Variants in OVCA2 observed in about 807,000 individuals in gnomAD.
The protein encoded by OVCA2 is esterase OVCA2.
Under a neutral mutation model 10.1 loss-of-function variants are expected in OVCA2, and 14 were observed. The observed-to-expected ratio is 1.39, with a 90% CI of 0.92 to 2.17. OVCA2 has a LOEUF of 2.17. Among genes scored for constraint, OVCA2 ranks in the 30% most tolerant of loss-of-function variants. OVCA2 has a pLI of 0.00. For missense variants in OVCA2, 376 were observed against 300.5 expected, an observed-to-expected ratio of 1.25 and a Z score of -1.86; for synonymous variants, 201 against 134.1, an observed-to-expected ratio of 1.50 and a Z score of -3.45.
At chr17:2,042,258 C>T (rs2067550616) in intron 1 of OVCA2, 27 bp downstream of exon 1, 3 of 1,405,466 alleles carry the variant, frequency 2.1e-6, no homozygotes, top group Non-Finnish European at 9.2e-7. Flanking sequence ...TCCGGAAACG[C>T]ACTCAGTTTC....
chr17:2,042,407 G>A, intron 1 of OVCA2, 176 bp downstream of exon 1: 4 of 1,256,644 alleles, frequency 3.2e-6, no homozygotes, highest in Non-Finnish European at 4.2e-6. Context: ...GTCCTCCCAG[G>A]CTTCCGCCTT....
At chr17:2,042,266 T>A in intron 1 of OVCA2, 35 bp downstream of exon 1, 2 of 1,403,858 alleles carry the variant, frequency 1.4e-6, no homozygotes. Context: ...CGCACTCAGT[T>A]TCCTCCATCT....
In OVCA2 at chr17:2,043,239, C is replaced by T. The variant is rs748137510; in HGVS notation, c.*135C>T. 8.2e-6 allele frequency: 9 copies of T among 1,102,246 alleles called. No homozygotes were observed. Among genetic ancestry groups the T allele is most frequent in the African/African-American group, 7.9e-5 (5 of 63,618 alleles). The allele number at this position is 1,102,246 out of a possible 1,614,324, so 68.3% of individuals were successfully genotyped here. ...ACCAGTTAAGAGACAACTATCAATT[C>T]TTGAGACCCAAATTATAAGGGCCCT... On this transcript the variant is annotated 3_prime_UTR_variant, in exon 2 of 2. Coordinates refer to ENST00000572195, the MANE Select transcript of OVCA2 (RefSeq NM_080822.3).
Position 2,042,170 on chromosome 17 carries a change from C to T in OVCA2, c.123C>T (p.Cys41=), listed in dbSNP as rs1279859097. ...KALRGRAELV[C]LSGPHPVPDP... is the part of the protein sequence containing the mutation. The stretch of plus-strand genomic sequence containing the variant: ...TGCGGGGTCGCGCCGAGCTCGTGTG[C>T]CTCAGCGGCCCGCACCCGGTCCCCG... The change falls in exon 1 of 2, where the codon TGC becomes TGT. Residue 41 remains cysteine (C), a synonymous_variant. Transcript: ENST00000572195. 2.7e-6 allele frequency: 4 copies of T among 1,462,618 alleles called. No individual in the cohort carries two copies. The South Asian group carries it at 5.4e-5, about 20-fold the overall frequency. 90.6% of individuals were successfully genotyped at this position (1,462,618 alleles called of 1,614,324 possible). A position where few individuals can be genotyped will look rare whatever the true frequency, so the allele number is the denominator to read the frequency against.
In OVCA2 at chr17:2,043,296, C is replaced by T; in HGVS notation, c.*192C>T. On this transcript the variant is annotated 3_prime_UTR_variant, in exon 2 of 2. Transcript: ENST00000572195. ...TACTGAAGAAAAGGGGAGCACAAGG[C>T]CTTAATGGACATTGACTTGTGAAAA... 2 of 652,308 alleles carry T rather than the reference C, an allele frequency of 3.1e-6. No homozygotes were observed. Among genetic ancestry groups the T allele is most frequent in the Admixed American group, 6.3e-5 (2 of 31,838 alleles). The allele number at this position is 652,308 out of a possible 1,614,324, so 40.4% of individuals were successfully genotyped here.
chr17:2,042,837 C>T lies in OVCA2; in HGVS notation c.417C>T (p.Phe139=), dbSNP rs1462386318. 6.2e-7 allele frequency: 1 copy of T among 1,614,146 alleles called. No individual in the cohort carries two copies. The highest frequency in any genetic ancestry group is 1.1e-5 in the South Asian group (1 of 91,090). The change falls in exon 2 of 2, where the codon TTC becomes TTT. Residue 139 remains phenylalanine (F), a synonymous_variant. Transcript: ENST00000572195. ...TGGGCCAGGCAGGCGATCCCCGCTTCCCCTTGCCACGGTTTATCCTCTTGG... is the reference window on the plus strand; with the variant it reads ...TGGGCCAGGCAGGCGATCCCCGCTTTCCCTTGCCACGGTTTATCCTCTTGG... ...CALGQAGDPR[F]PLPRFILLVS...
At position 2,042,655 on chromosome 17, in the gene OVCA2, G is replaced by A. The variant is rs1350229810; in HGVS notation, c.235G>A (p.Glu79Lys). ...TCGAGGCTGGTGGTTTTCAGAGCAG[G>A]AGGCCGACGTTTTCTCCGCATTGGA... Reference protein sequence around the residue: ...QPRGWWFSEQEADVFSALEEP... With the variant: ...QPRGWWFSEQKADVFSALEEP... Residue 79 changes from glutamate (E) to lysine (K), a missense_variant, in exon 2 of 2, where the codon GAG becomes AAG. Glu to Lys is a moderately conservative substitution (Grantham distance 56, BLOSUM62 1). Coordinates refer to ENST00000572195, the MANE Select transcript of OVCA2 (RefSeq NM_080822.3). 5 of 1,524,336 alleles carry A rather than the reference G, an allele frequency of 3.3e-6. No homozygotes were observed. In the African/African-American group the frequency reaches 7.0e-5, roughly 21 times the overall value. The allele number at this position is 1,524,336 out of a possible 1,614,324, so 94.4% of individuals were successfully genotyped here.
At position 2,042,296 on chromosome 17, in the gene OVCA2, C is replaced by G. The variant is rs1362985359; in HGVS notation, c.184+65C>G. 3.6e-6 allele frequency: 5 copies of G among 1,396,916 alleles called. No homozygotes were observed. The East Asian group carries it at 1.4e-4, about 40-fold the overall frequency. 86.5% of individuals were successfully genotyped at this position (1,396,916 alleles called of 1,614,324 possible). On this transcript the variant is annotated intron_variant, in intron 1 of 1. Transcript: ENST00000572195. ...CCATCTTGTTTCGTCCCCCTCGACA[C>G]CCTTCAGCATCCCCCACCCTGCGTC...
chr17:2,043,153 C>T lies in OVCA2; in HGVS notation c.*49C>T, dbSNP rs1209709025. The T allele has an allele frequency of 6.4e-7, 1 of 1,574,476 alleles. No individual in the cohort carries two copies. The highest frequency in any genetic ancestry group is 1.2e-5 in the South Asian group (1 of 86,420). ...CTACATCCAGCTCCTCTAGGGGCAG[C>T]CTCCGTCATCCATGCCCTCCCAGGA... On this transcript the variant is annotated 3_prime_UTR_variant, in exon 2 of 2. Transcript: ENST00000572195.
chr17:2,042,607 T>G lies in OVCA2; in HGVS notation c.187T>G (p.Ser63Ala). The G allele has an allele frequency of 6.6e-7, 1 of 1,518,634 alleles. No homozygotes were observed. Among genetic ancestry groups the G allele is most frequent in the East Asian group, 2.3e-5 (1 of 44,082 alleles). The allele number at this position is 1,518,634 out of a possible 1,614,324, so 94.1% of individuals were successfully genotyped here. The part of the protein sequence containing the change: ...GPEGARSDFG[S>A]CPPEEQPRGW... ...CCTTTTTCCTCATATCGCTGTAGGGTCCTGCCCTCCGGAGGAGCAGCCTCG... is the reference window on the plus strand; with the variant it reads ...CCTTTTTCCTCATATCGCTGTAGGGGCCTGCCCTCCGGAGGAGCAGCCTCG... The change falls in exon 2 of 2, where the codon TCC becomes GCC. Residue 63 changes from serine (S) to alanine (A), a missense_variant and splice_region_variant. Ser to Ala is a moderately conservative substitution (Grantham distance 99). Transcript: ENST00000572195.
intron 1 of OVCA2, 112 bp downstream of exon 1, chr17:2,042,343 G>A (rs1471326935): frequency 5.2e-6 from 7 of 1,355,186 alleles, no homozygotes; most frequent in East Asian, 2.9e-5. Flanking sequence ...CTCCCACCCA[G>A]TCCACACCCT....
Position 2,042,209 on chromosome 17 carries a change from C to T in OVCA2, c.162C>T (p.Pro54=), listed in dbSNP as rs1166719679. Reference sequence around the variant, plus strand: ...ACCCGGTCCCCGACCCCCCGGGCCCCGAGGGCGCCAGATCAGACTTCGGTG... The same window carrying T: ...ACCCGGTCCCCGACCCCCCGGGCCCTGAGGGCGCCAGATCAGACTTCGGTG... ...GPHPVPDPPG[P]EGARSDFGSC... The change falls in exon 1 of 2, where the codon CCC becomes CCT. Residue 54 remains proline, a synonymous_variant. Transcript: ENST00000572195. The T allele has an allele frequency of 5.6e-6, 8 of 1,431,750 alleles. No individual in the cohort carries two copies. The South Asian group carries it at 8.7e-5, about 16-fold the overall frequency. 88.7% of individuals were successfully genotyped at this position (1,431,750 alleles called of 1,614,324 possible). A position where few individuals can be genotyped will look rare whatever the true frequency, so the allele number is the denominator to read the frequency against.
chr17:2,042,876 T>C lies in OVCA2; in HGVS notation c.456T>C (p.Cys152=). ...TTATCCTCTTGGTGTCTGGTTTCTG[T>C]CCCCGGGGCATTGGGTTCAAGGAAT... is the stretch of plus-strand genomic sequence containing the variant. ...PRFILLVSGF[C]PRGIGFKESI... The change falls in exon 2 of 2, where the codon TGT becomes TGC. Residue 152 remains cysteine, a synonymous_variant. Coordinates refer to ENST00000572195, the MANE Select transcript of OVCA2 (RefSeq NM_080822.3). 6.2e-7 allele frequency: 1 copy of C among 1,614,150 alleles called. No homozygotes were observed. The highest frequency in any genetic ancestry group is 8.5e-7 in the Non-Finnish European group (1 of 1,180,018).
chr17:2,042,223 C>T lies in OVCA2; in HGVS notation c.176C>T (p.Ser59Leu). 1.4e-6 allele frequency: 2 copies of T among 1,426,890 alleles called. No homozygotes were observed. The highest frequency in any genetic ancestry group is 1.8e-6 in the Non-Finnish European group (2 of 1,097,920). The allele number at this position is 1,426,890 out of a possible 1,614,324, so 88.4% of individuals were successfully genotyped here. The part of the protein sequence containing the change: ...PDPPGPEGAR[S>L]DFGSCPPEEQ... Reference sequence around the variant, plus strand: ...CCCCCGGGCCCCGAGGGCGCCAGATCAGACTTCGGTGAGACAAGCCCCGCT... The same window carrying T: ...CCCCCGGGCCCCGAGGGCGCCAGATTAGACTTCGGTGAGACAAGCCCCGCT... The change falls in exon 1 of 2, where the codon TCA (serine) becomes TTA (leucine). Residue 59 changes from serine to leucine, a missense_variant. Ser to Leu is a moderately radical substitution (Grantham distance 145). Coordinates refer to ENST00000572195, the MANE Select transcript of OVCA2 (RefSeq NM_080822.3).
At chr17:2,042,473 C>T (rs1460697405) in intron 1 of OVCA2, 132 bp from the exon 2 acceptor site, 2 of 1,363,844 alleles carry the variant, frequency 1.5e-6, no homozygotes, top group East Asian at 2.5e-5. Flanking sequence ...TCCCCCCTCT[C>T]ATTTCCCCCA....
rs1307545991 is a variant in OVCA2, at chr17:2,042,938, A to G, written c.518A>G (p.His173Arg). ...AGGCCCTTGTCATTGCCTTCGCTCC[A>G]TGTTTTTGGGGACACTGACAAAGTC... Reference protein sequence around the residue: ...LQRPLSLPSLHVFGDTDKVIP... With the variant: ...LQRPLSLPSLRVFGDTDKVIP... Residue 173 changes from histidine (H) to arginine (R), a missense_variant, in exon 2 of 2, where the codon CAT (histidine) becomes CGT (arginine). Coordinates refer to ENST00000572195, the MANE Select transcript of OVCA2 (RefSeq NM_080822.3). 3.7e-6 allele frequency: 6 copies of G among 1,613,970 alleles called. No individual in the cohort carries two copies. The African/African-American group carries it at 5.3e-5, about 14-fold the overall frequency.
In OVCA2 at chr17:2,042,243, C is replaced by T. The variant is rs929570763; in HGVS notation, c.184+12C>T. ...CAGATCAGACTTCGGTGAGACAAGC[C>T]CCGCTCCGGAAACGCACTCAGTTTC... is the stretch of plus-strand genomic sequence containing the variant. On this transcript the variant is annotated intron_variant, in intron 1 of 1. Coordinates refer to ENST00000572195, the MANE Select transcript of OVCA2 (RefSeq NM_080822.3). 7.1e-7 allele frequency: 1 copy of T among 1,414,860 alleles called. No homozygotes were observed. Among genetic ancestry groups the T allele is most frequent in the Non-Finnish European group, 9.2e-7 (1 of 1,090,890 alleles). 87.6% of individuals were successfully genotyped at this position (1,414,860 alleles called of 1,614,324 possible).
Position 2,042,711 on chromosome 17 carries a change from A to T in OVCA2, c.291A>T (p.Glu97Asp). The T allele has an allele frequency of 1.9e-6, 3 of 1,555,032 alleles. No homozygotes were observed. Among genetic ancestry groups the T allele is most frequent in the Non-Finnish European group, 2.6e-6 (3 of 1,153,520 alleles). Residue 97 changes from glutamate to aspartate, a missense_variant, in exon 2 of 2, where the codon GAA becomes GAT. By Grantham distance (45) the Glu-to-Asp change is conservative (BLOSUM62 2). Coordinates refer to ENST00000572195, the MANE Select transcript of OVCA2 (RefSeq NM_080822.3). ...CCGCCGTCTGCAGGGGCCTGGAGGA[A>T]TCACTGGGGATGGTGGCACAGGCAC... The part of the protein sequence containing the change: ...EEPAVCRGLE[E>D]SLGMVAQALN...
chr17:2,042,292 G>A, intron 1 of OVCA2, 61 bp downstream of exon 1: 1 of 1,395,286 alleles, frequency 7.2e-7, no homozygotes, highest in African/African-American at 1.5e-5. Context: ...CGTCCCCCTC[G>A]ACACCCTTCA....
Sources: gnomAD v4.1 joint callset for allele counts on GRCh38, gnomAD v4.1.1 for gene constraint, MANE v1.5 for transcripts, NCBI Gene and HGNC (gene_info 2026-07-23, HGNC 2026-07-21) for gene names.